The following MTERF4 variants were observed in gnomAD, a reference collection of about 807,000 sequenced individuals.
MTERF4 encodes mitochondrial transcription termination factor 4.
MTERF4 carries 17 observed loss-of-function variants against 22.5 expected under a neutral mutation model. That is an observed-to-expected ratio of 0.75 (90% CI 0.52 to 1.13). The LOEUF (loss-of-function observed/expected upper bound fraction) is 1.13. Among genes scored for constraint, MTERF4 ranks in the 50% most tolerant of loss-of-function variants. MTERF4 has a pLI of 0.00. For synonymous variants in MTERF4, 165 were observed against 175.3 expected, an observed-to-expected ratio of 0.94 and a Z score of 0.47; for missense variants, 420 against 466.8, an observed-to-expected ratio of 0.90 and a Z score of 0.92.
At chr2:241,090,214 GT>G, downstream of MTERF4, 2 of 1,482,776 alleles carry the variant, frequency 1.3e-6, no homozygotes, top group South Asian at 2.8e-5. Flanking sequence ...ATTTTTAATT[GT>G]TTTTTACTAT....
chr2:241,053,268 C>A, the MTERF4 span: 5 of 1,603,600 alleles, frequency 3.1e-6, no homozygotes, highest in Non-Finnish European at 4.3e-6. Context: ...TGAGCGCCCC[C>A]AGCCGCATCC....
downstream of MTERF4, chr2:241,071,690 G>A (rs1364876485): frequency 2.0e-6 from 3 of 1,532,142 alleles, no homozygotes; most frequent in East Asian, 2.4e-5. Flanking sequence ...AATGACCACA[G>A]CGCCCCCGAG....
chr2:241,064,241 G>A, the MTERF4 span: 11 of 641,198 alleles, frequency 1.7e-5, no homozygotes, highest in East Asian at 9.4e-5. This position sits in a 1 kb window ranked among gnomAD's most constrained non-coding sequence, Gnocchi z 7.0. Flanking sequence ...CCTGCTCCCC[G>A]CCCTCTGCCC....
At chr2:241,065,472 T>A in the MTERF4 span, 2 of 1,612,960 alleles carry the variant, frequency 1.2e-6, no homozygotes, top group African/African-American at 2.7e-5. Context: ...CAGGACCCGC[T>A]CCTCGCACCA....
At chr2:241,052,443 G>T in the MTERF4 span, 15 of 1,610,224 alleles carry the variant, frequency 9.3e-6, no homozygotes, top group East Asian at 2.2e-5. Flanking sequence ...GCCAAGCAGG[G>T]TACATGGGAC....
At chr2:241,051,613 G>C in the MTERF4 span, 1 of 720,166 alleles carries the variant, frequency 1.4e-6, no homozygotes. This position sits in a 1 kb window ranked among gnomAD's most constrained non-coding sequence, Gnocchi z 4.7. Flanking sequence ...CCCTGCTGCA[G>C]CCAGGCCCCA....
At chr2:241,070,301 C>A, downstream of MTERF4, 2 of 1,270,366 alleles carry the variant, frequency 1.6e-6, no homozygotes, top group Non-Finnish European at 2.1e-6. Context: ...GGATGCCAGG[C>A]AGACAGCCTA....
chr2:241,098,576 G>C (rs2064559306), intron 2 of MTERF4, among the ~76,000 whole-genome samples: 1 of 152,182 alleles, frequency 6.6e-6, no homozygotes, highest in African/African-American at 2.4e-5. Flanking sequence ...GGGATAAATA[G>C]AAGGGAAGGC....
At chr2:241,087,225 A>ATGTT (rs1455414289), downstream of MTERF4, 1 of 608,008 alleles carries the variant, frequency 1.6e-6, no homozygotes, top group Non-Finnish European at 2.9e-6. Flanking sequence ...CATGACCTTT[A>ATGTT]TGTTAGACAT....
downstream of MTERF4, chr2:241,091,701 G>A (rs889345882): frequency 2.6e-5 from 4 of 152,238 alleles, no homozygotes; most frequent in Admixed American, 6.5e-5. This position sits in a 1 kb window ranked among gnomAD's most constrained non-coding sequence, Gnocchi z 4.1. Context: ...GGAAGATGAG[G>A]TCTAAAAACT....
intron 1 of MTERF4, among the ~76,000 whole-genome samples, chr2:241,101,724 T>C (rs142180517): frequency 2.6e-5 from 4 of 152,342 alleles, no homozygotes; most frequent in African/African-American, 7.2e-5. Context: ...GAAAAGTACA[T>C]GTTATCTTCC....
the MTERF4 span, among the ~76,000 whole-genome samples, chr2:241,050,432 C>T: frequency 6.6e-6 from 1 of 152,112 alleles, no homozygotes; most frequent in East Asian, 1.9e-4. Flanking sequence ...CACCCCCAGA[C>T]CTGTTCAGCA....
the MTERF4 span, among the ~76,000 whole-genome samples, chr2:241,060,949 A>G: frequency 1.3e-5 from 2 of 152,106 alleles, no homozygotes; most frequent in Admixed American, 1.3e-4. Flanking sequence ...CAACCAAAAA[A>G]AACTATATAA....
chr2:241,076,760 G>A (rs1361574905), intron 4 of MTERF4, among the ~76,000 whole-genome samples: 18 of 151,576 alleles, frequency 1.2e-4, no homozygotes. Flanking sequence ...GTCCAGGGCC[G>A]GGCGCGGGGG....
chr2:241,089,127 G>A (rs971154847), downstream of MTERF4: 6 of 563,828 alleles, frequency 1.1e-5, no homozygotes, highest in East Asian at 1.3e-4. Flanking sequence ...ACAATCGTTT[G>A]CAAGAGACTG....
chr2:241,096,518 T>C lies in MTERF4; in HGVS notation c.706-80A>G, dbSNP rs2064435090. ...ATTCTATAAACCATAAAAACTTAAG[T>C]TGTACAAAAGGATTCAAAAAGAATT... On this transcript the variant is annotated intron_variant, in intron 3 of 3. Transcript: ENST00000391980. The surrounding 1 kb of genome is among the most constrained non-coding windows in gnomAD (Gnocchi z 5.1). The C allele has an allele frequency of 4.6e-6, 7 of 1,509,122 alleles. No individual in the cohort carries two copies. The highest frequency in any genetic ancestry group is 4.5e-5 in the South Asian group (4 of 88,128). 93.5% of individuals were successfully genotyped at this position (1,509,122 alleles called of 1,614,324 possible).
downstream of MTERF4, chr2:241,071,776 C>G (rs753891365): frequency 8.3e-6 from 13 of 1,567,540 alleles, no homozygotes; most frequent in South Asian, 1.5e-4. Context: ...ACTGTGGTGA[C>G]CCTCCCACCC....
chr2:241,064,277 G>C, the MTERF4 span, among the ~76,000 whole-genome samples: 1 of 151,384 alleles, frequency 6.6e-6, no homozygotes, highest in Non-Finnish European at 1.5e-5. The surrounding 1 kb of genome is among the most constrained non-coding windows in gnomAD (Gnocchi z 7.0). Context: ...CCCTTCTCAG[G>C]CCAGTGGCCC....
intron 4 of MTERF4, among the ~76,000 whole-genome samples, chr2:241,080,647 CAG>C (rs2063283562): frequency 6.6e-6 from 1 of 152,222 alleles, no homozygotes; most frequent in Non-Finnish European, 1.5e-5. Context: ...TGTCCAAAGA[CAG>C]AATAAATTGA....
Sources: allele counts gnomAD v4.1 joint callset (sites outside exome capture counted in the v4.1 genomes callset), GRCh38; gene constraint gnomAD v4.1.1; non-coding constraint Gnocchi (gnomAD v3.1); transcripts MANE v1.5; gene names NCBI Gene and HGNC (gene_info 2026-07-23, HGNC 2026-07-21).